PIM1: variants seen among roughly 807,000 people sequenced by gnomAD.
PIM1 encodes serine/threonine-protein kinase pim-1.
Under a neutral mutation model 34.5 loss-of-function variants are expected in PIM1, and 9 were observed. The observed-to-expected ratio is 0.26, with a 90% CI of 0.16 to 0.46. PIM1 has a LOEUF of 0.46. Ranked by LOEUF, PIM1 falls within the 20% of genes least tolerant of loss-of-function variation. The probability of loss-of-function intolerance (pLI) is 1.00; values close to 1 mark genes in which losing one functional copy is unlikely to be tolerated. For missense variants in PIM1, 274 were observed against 410.9 expected, an observed-to-expected ratio of 0.67 and a Z score of 2.88; for synonymous variants, 199 against 175.2, an observed-to-expected ratio of 1.14 and a Z score of -1.07.
chr6:37,173,523 C>T (rs1762345756), intron 5 of PIM1, among the ~76,000 whole-genome samples: 1 of 152,212 alleles, frequency 6.6e-6, no homozygotes, highest in African/African-American at 2.4e-5. Flanking sequence ...TTCTTTAAGG[C>T]AGCAGCTCCA....
At chr6:37,170,693 G>C (rs757164315) in intron 1 of PIM1, 36 bp downstream of exon 1, 2 of 1,605,096 alleles carry the variant, frequency 1.2e-6, no homozygotes, top group South Asian at 2.2e-5. Context: ...CGGGGATGCG[G>C]GGCGGCGGCG....
rs1411891113 is a variant in PIM1 at position 37,170,756 on chromosome 6, GCTT to G, written c.83-15_83-13del. On this transcript the variant is annotated splice_polypyrimidine_tract_variant and intron_variant, in intron 1 of 5. Transcript: ENST00000373509. ...TCGCGGGCCGGCACTGAGTCCCCGT[GCTT>G]CCCCCTTTCCTAGGCAAGGAGAAGG... The G allele has an allele frequency of 6.2e-7, 1 of 1,611,180 alleles. No homozygotes were observed. Among genetic ancestry groups the G allele is most frequent in the East Asian group, 2.2e-5 (1 of 44,852 alleles).
At position 37,173,132 on chromosome 6, in the gene PIM1, C is replaced by A. The variant is rs1561984099; in HGVS notation, c.744C>A (p.Ile248=). Residue 248 remains isoleucine, a synonymous_variant, in exon 5 of 6, where the codon ATC becomes ATA. Transcript: ENST00000373509. ...TTCCTTTCGAGCATGACGAAGAGATCATCAGGGGCCAGGTTTTCTTCAGGC... is the reference window on the plus strand; with the variant it reads ...TTCCTTTCGAGCATGACGAAGAGATAATCAGGGGCCAGGTTTTCTTCAGGC... ...GDIPFEHDEE[I]IRGQVFFRQR... is the part of the protein sequence containing the mutation. 1.9e-6 allele frequency: 3 copies of A among 1,614,116 alleles called. No individual in the cohort carries two copies. Among genetic ancestry groups the A allele is most frequent in the Non-Finnish European group, 2.5e-6 (3 of 1,180,028 alleles).
At chr6:37,172,770 G>T (rs1380640588) in intron 4 of PIM1, 8 of 667,596 alleles carry the variant, frequency 1.2e-5, no homozygotes, top group Non-Finnish European at 2.2e-5. Flanking sequence ...AAGAATTTCA[G>T]TTTATGGTTT....
At chr6:37,172,123 T>C (rs1187353794) in intron 4 of PIM1, among the ~76,000 whole-genome samples, 6 of 152,050 alleles carry the variant, frequency 3.9e-5, no homozygotes. Context: ...TGGAGCGGGT[T>C]CTTTCAGAAA....
At position 37,171,006 on chromosome 6, in the gene PIM1, A is replaced by G. The variant is rs373869744; in HGVS notation, c.215A>G (p.Asp72Gly). Residue 72 changes from aspartate (D) to glycine (G), a missense_variant, in exon 3 of 6, where the codon GAC (aspartate) becomes GGC (glycine). Physicochemically the swap from Asp to Gly is moderately conservative, Grantham distance 94. This residue lies in a region of PIM1 where 106 missense variants were observed against 111.5 expected (regional missense o/e 0.95). Coordinates refer to ENST00000373509, the MANE Select transcript of PIM1 (RefSeq NM_002648.4). ...LPVAIKHVEK[D>G]RISDWGELPN... ...GTGGCCATCAAACACGTGGAGAAGGACCGGATTTCCGACTGGGGAGAGCTG... is the reference window on the plus strand; with the variant it reads ...GTGGCCATCAAACACGTGGAGAAGGGCCGGATTTCCGACTGGGGAGAGCTG... 1.2e-6 allele frequency: 2 copies of G among 1,614,032 alleles called. No homozygotes were observed. Among genetic ancestry groups the G allele is most frequent in the South Asian group, 1.1e-5 (1 of 91,086 alleles).
chr6:37,170,325 C>G lies in PIM1; in HGVS notation c.-251C>G. ...GCGCTGCCGCACGAGCCCCACGAGC[C>G]GCTCACCCCGCCGTTCTCAGCGCTG... On this transcript the variant is annotated 5_prime_UTR_variant, in exon 1 of 6. Transcript: ENST00000373509. 1 of 1,481,442 alleles carries G rather than the reference C, an allele frequency of 6.8e-7. No homozygotes were observed. Among genetic ancestry groups the G allele is most frequent in the South Asian group, 1.3e-5 (1 of 79,776 alleles). 91.8% of individuals were successfully genotyped at this position (1,481,442 alleles called of 1,614,324 possible). A position where few individuals can be genotyped will look rare whatever the true frequency, so the allele number is the denominator to read the frequency against.
chr6:37,172,927 T>A, intron 4 of PIM1, 69 bp from the exon 5 acceptor site: 1 of 1,312,846 alleles, frequency 7.6e-7, no homozygotes, highest in African/African-American at 1.5e-5. Context: ...GAGTTATATA[T>A]ACCACCCAGC....
At position 37,174,692 on chromosome 6, in the gene PIM1, C is replaced by T. The variant is rs980830444; in HGVS notation, c.*601C>T. 20 of 233,646 alleles carry T rather than the reference C, an allele frequency of 8.6e-5. No homozygotes were observed. The highest frequency in any genetic ancestry group is 5.1e-5 in the Non-Finnish European group (6 of 118,126). 14.5% of individuals were successfully genotyped at this position (233,646 alleles called of 1,614,324 possible). On this transcript the variant is annotated 3_prime_UTR_variant, in exon 6 of 6. Transcript: ENST00000373509. ...ATGAAAGGTGCCATGGAAGAGGCTA[C>T]AGGGCCAAACGCTGAGCCACCTGCC...
chr6:37,171,114 C>T lies in PIM1; in HGVS notation c.241-11C>T, dbSNP rs759518967. The T allele has an allele frequency of 3.7e-6, 6 of 1,613,714 alleles. No homozygotes were observed. The East Asian group carries it at 1.1e-4, about 30-fold the overall frequency. On this transcript the variant is annotated splice_polypyrimidine_tract_variant and intron_variant, in intron 3 of 5. Coordinates refer to ENST00000373509, the MANE Select transcript of PIM1 (RefSeq NM_002648.4). ...GACTCCCGCCCTAACGCGGCCCCCT[C>T]GCCCCTGCAGCCTAATGGCACTCGA...
At chr6:37,172,652 T>C in intron 4 of PIM1, 2 of 498,254 alleles carry the variant, frequency 4.0e-6, no homozygotes, top group South Asian at 1.5e-5. Flanking sequence ...ATACCTTTCT[T>C]GGTTGTGCAG....
At chr6:37,171,056 C>G in intron 3 of PIM1, 25 bp downstream of exon 3, 2 of 1,613,988 alleles carry the variant, frequency 1.2e-6, no homozygotes, top group Non-Finnish European at 1.7e-6. Context: ...GGAGCGACCC[C>G]CAGGATGAGT....
intron 5 of PIM1, 80 bp from the exon 6 acceptor site, chr6:37,173,854 T>C: frequency 7.2e-7 from 1 of 1,396,212 alleles, no homozygotes. Context: ...TGTGGGCCTC[T>C]GAGAAGCAAA....
rs1182913387 is a variant in PIM1, at chr6:37,170,264, C to T, written c.-312C>T. 1 of 1,344,464 alleles carries T rather than the reference C, an allele frequency of 7.4e-7. No individual in the cohort carries two copies. Among genetic ancestry groups the T allele is most frequent in the Non-Finnish European group, 9.6e-7 (1 of 1,046,592 alleles). 83.3% of individuals were successfully genotyped at this position (1,344,464 alleles called of 1,614,324 possible). A position where few individuals can be genotyped will look rare whatever the true frequency, so the allele number is the denominator to read the frequency against. On this transcript the variant is annotated 5_prime_UTR_variant, in exon 1 of 6. Transcript: ENST00000373509. ...GCGGGACCGGCAGCAGCAGCAGCAGCAGCAGCAGCAGCAACCACTAGCCTC... is the reference window on the plus strand; with the variant it reads ...GCGGGACCGGCAGCAGCAGCAGCAGTAGCAGCAGCAGCAACCACTAGCCTC...
Position 37,173,935 on chromosome 6 carries a change from A to T in PIM1, c.786A>T (p.Glu262Asp). 6.2e-7 allele frequency: 1 copy of T among 1,610,804 alleles called. No individual in the cohort carries two copies. The highest frequency in any genetic ancestry group is 8.5e-7 in the Non-Finnish European group (1 of 1,178,438). ...QVFFRQRVSS[E>D]CQHLIRWCLA... is the part of the protein sequence containing the mutation. ...CCTCGTCTATCCTCCTTTCTGCAGA[A>T]TGTCAGCATCTCATTAGATGGTGCT... Residue 262 changes from glutamate to aspartate, a missense_variant and splice_region_variant, in exon 6 of 6, where the codon GAA (glutamate) becomes GAT (aspartate). Physicochemically the swap from Glu to Asp is conservative, Grantham distance 45 (BLOSUM62 2). Coordinates refer to ENST00000373509, the MANE Select transcript of PIM1 (RefSeq NM_002648.4).
chr6:37,170,939 T>A, intron 2 of PIM1, 42 bp from the exon 3 acceptor site: 1 of 1,613,706 alleles, frequency 6.2e-7, no homozygotes, highest in Non-Finnish European at 8.5e-7. Context: ...GGGCGTGCTT[T>A]AGCCCGGACG....
At position 37,170,545 on chromosome 6, in the gene PIM1, C is replaced by T; in HGVS notation, c.-31C>T. ...GCTCCTGCGGCAGCTCCTCTGGGCACCGTCCCTGCGCCGACATCCTGGAGG... is the reference window on the plus strand; with the variant it reads ...GCTCCTGCGGCAGCTCCTCTGGGCATCGTCCCTGCGCCGACATCCTGGAGG... On this transcript the variant is annotated 5_prime_UTR_variant, in exon 1 of 6. Coordinates refer to ENST00000373509, the MANE Select transcript of PIM1 (RefSeq NM_002648.4). 1 of 1,611,736 alleles carries T rather than the reference C, an allele frequency of 6.2e-7. No individual in the cohort carries two copies. The highest frequency in any genetic ancestry group is 8.5e-7 in the Non-Finnish European group (1 of 1,179,486).
intron 5 of PIM1, 120 bp downstream of exon 5, chr6:37,173,292 C>T (rs1762341374): frequency 2.2e-6 from 2 of 892,186 alleles, no homozygotes; most frequent in Non-Finnish European, 3.4e-6. Context: ...TCACCCTTGG[C>T]TTAGAATTGT....
rs781070303 is a variant in PIM1 at position 37,171,451 on chromosome 6, G to T, written c.567G>T (p.Ser189=). 1.2e-6 allele frequency: 2 copies of T among 1,613,724 alleles called. No homozygotes were observed. The highest frequency in any genetic ancestry group is 1.7e-6 in the Non-Finnish European group (2 of 1,180,012). The change falls in exon 4 of 6, where the codon TCG becomes TCT. Residue 189 remains serine (S), a synonymous_variant. Coordinates refer to ENST00000373509, the MANE Select transcript of PIM1 (RefSeq NM_002648.4). ...RGELKLIDFG[S]GALLKDTVYT... ...AGCTCAAGCTCATCGACTTCGGGTC[G>T]GGGGCGCTGCTCAAGGACACCGTCT...
Sources: gnomAD v4.1 joint callset for allele counts (sites outside exome capture counted in the v4.1 genomes callset) on GRCh38, gnomAD v4.1.1 for gene constraint, gnomAD v4.1.1 regional missense constraint, MANE v1.5 for transcripts, NCBI Gene and HGNC (gene_info 2026-07-23, HGNC 2026-07-21) for gene names.